Variants in FANCC observed in about 807,000 individuals in gnomAD.
FANCC encodes FA complementation group C.
Under a neutral mutation model 71.3 loss-of-function variants are expected in FANCC, and 55 were observed. That is an observed-to-expected ratio of 0.77 (90% CI 0.62 to 0.97). The LOEUF is 0.97. Ranked by LOEUF, FANCC falls within the 50% of genes least tolerant of loss-of-function variation. The probability of loss-of-function intolerance (pLI) is 0.00; values close to 1 mark genes in which losing one functional copy is unlikely to be tolerated. For missense variants in FANCC, 678 were observed against 670.9 expected, an observed-to-expected ratio of 1.01 and a Z score of -0.12; for synonymous variants, 275 against 244.9, an observed-to-expected ratio of 1.12 and a Z score of -1.15.
At chr9:95,157,730 G>C (rs1830525791) in intron 6 of FANCC, among the ~76,000 whole-genome samples, 3 of 152,214 alleles carry the variant, frequency 2.0e-5, no homozygotes, top group Admixed American at 2.0e-4. Context: ...ACCAAAAGAG[G>C]AGCCATGAAG....
At chr9:95,278,431 C>T (rs1030612304) in intron 1 of FANCC, among the ~76,000 whole-genome samples, 2 of 152,076 alleles carry the variant, frequency 1.3e-5, no homozygotes, top group African/African-American at 4.8e-5. Context: ...GAAAAAAGAT[C>T]GAGAAAATAG....
intron 4 of FANCC, among the ~76,000 whole-genome samples, chr9:95,219,339 C>A (rs1829083145): frequency 6.6e-6 from 1 of 152,118 alleles, no homozygotes; most frequent in Non-Finnish European, 1.5e-5. Context: ...AAACAAAAAA[C>A]CAGACAGACA....
At chr9:95,214,719 T>C (rs1022653060) in intron 4 of FANCC, among the ~76,000 whole-genome samples, 2 of 152,192 alleles carry the variant, frequency 1.3e-5, no homozygotes, top group Non-Finnish European at 2.9e-5. Context: ...GGATGAACCT[T>C]GATGGCATTA....
chr9:95,264,233 ATT>A (rs1404084861), intron 1 of FANCC, among the ~76,000 whole-genome samples: 2 of 152,210 alleles, frequency 1.3e-5, no homozygotes, highest in Non-Finnish European at 2.9e-5. Flanking sequence ...TGCTGAGCAT[ATT>A]TTGAAACCCA....
chr9:95,301,258 T>A (rs562280986), intron 1 of FANCC, among the ~76,000 whole-genome samples: 1 of 152,136 alleles, frequency 6.6e-6, no homozygotes, highest in South Asian at 2.1e-4. Flanking sequence ...TATTCCTGAC[T>A]GACTCAGAAA....
At chr9:95,290,161 G>GCAGTGTTCAAGCA (rs1833921604) in intron 1 of FANCC, among the ~76,000 whole-genome samples, 1 of 152,118 alleles carries the variant, frequency 6.6e-6, no homozygotes. Flanking sequence ...GCAGTGGAAG[G>GCAGTGTTCAAGCA]GTAATTGACC....
intron 1 of FANCC, among the ~76,000 whole-genome samples, chr9:95,301,005 T>A (rs533598397): frequency 6.6e-6 from 1 of 152,214 alleles, no homozygotes; most frequent in East Asian, 1.9e-4. Flanking sequence ...GCTCTTTCTA[T>A]GTAGAAGGAA....
At chr9:95,189,390 T>G (rs1236198597) in intron 4 of FANCC, among the ~76,000 whole-genome samples, 1 of 152,204 alleles carries the variant, frequency 6.6e-6, no homozygotes. Context: ...CAGCGCCCGT[T>G]GTTTACATAG....
intron 1 of FANCC, among the ~76,000 whole-genome samples, chr9:95,256,146 A>G (rs1383749353): frequency 6.6e-6 from 1 of 152,200 alleles, no homozygotes; most frequent in Non-Finnish European, 1.5e-5. Context: ...GAACTTCCCT[A>G]ACCTACCAAG....
Position 95,275,681 on chromosome 9 carries a change from G to A in FANCC, c.-78-26312C>T, listed in dbSNP as rs563499600. Among the ~76,000 whole-genome samples, 35 of 152,174 alleles carry A rather than the reference G, an allele frequency of 2.3e-4. No individual in the cohort carries two copies. In the South Asian group the frequency reaches 6.6e-3, roughly 29 times the overall value. The stretch of plus-strand genomic sequence containing the variant: ...TAAAAAATAGTCTATTAAAATCAAC[G>A]ACAACTACAAACCTTGGTGGCAGGA... On this transcript the variant is annotated intron_variant, in intron 1 of 14. Coordinates refer to ENST00000289081, the MANE Select transcript of FANCC (RefSeq NM_000136.3).
chr9:95,173,382 C>A (rs1452410402), intron 4 of FANCC, among the ~76,000 whole-genome samples: 4 of 151,936 alleles, frequency 2.6e-5, no homozygotes, highest in Non-Finnish European at 4.4e-5. Flanking sequence ...AGACCGATTA[C>A]GGGCTAACAG....
At chr9:95,208,756 G>A (rs544475754) in intron 4 of FANCC, among the ~76,000 whole-genome samples, 1 of 152,306 alleles carries the variant, frequency 6.6e-6, no homozygotes, top group South Asian at 2.1e-4. Flanking sequence ...TGATAAGGAT[G>A]TATAACAACA....
At chr9:95,188,841 C>T (rs971484039) in intron 4 of FANCC, among the ~76,000 whole-genome samples, 4 of 152,262 alleles carry the variant, frequency 2.6e-5, no homozygotes, top group African/African-American at 9.6e-5. Context: ...GCCTAATCTG[C>T]CTGAATCCTT....
At chr9:95,292,562 G>C (rs1247608233) in intron 1 of FANCC, 2 of 1,484,796 alleles carry the variant, frequency 1.3e-6, no homozygotes, top group African/African-American at 2.8e-5. Flanking sequence ...TGAGCGAGCT[G>C]TCCCAGACCA....
chr9:95,283,753 A>G (rs1016764166), intron 1 of FANCC, among the ~76,000 whole-genome samples: 20 of 152,374 alleles, frequency 1.3e-4, no homozygotes, highest in South Asian at 6.2e-4. Flanking sequence ...CATAAAGTCA[A>G]ATATTTTCCA....
chr9:95,166,232 T>C (rs2135547904), intron 6 of FANCC, among the ~76,000 whole-genome samples: 1 of 152,204 alleles, frequency 6.6e-6, no homozygotes, highest in Admixed American at 6.5e-5. Context: ...AAGTAATTAC[T>C]GATAGAGAAG....
At chr9:95,275,972 G>A (rs1349507298) in intron 1 of FANCC, among the ~76,000 whole-genome samples, 1 of 152,044 alleles carries the variant, frequency 6.6e-6, no homozygotes, top group African/African-American at 2.4e-5. Flanking sequence ...AGGAGCCACA[G>A]GACTCACACC....
intron 4 of FANCC, among the ~76,000 whole-genome samples, chr9:95,213,461 A>G (rs1828634154): frequency 6.6e-6 from 1 of 152,192 alleles, no homozygotes; most frequent in African/African-American, 2.4e-5. Flanking sequence ...ACAGACATAC[A>G]GATCAGTAGA....
chr9:95,123,778 T>C (rs1564663677), intron 10 of FANCC: 2 of 700,176 alleles, frequency 2.9e-6, no homozygotes, highest in African/African-American at 3.5e-5. Flanking sequence ...TAGTCAGGAA[T>C]CGATCTTGTG....
Sources: allele counts gnomAD v4.1 joint callset (sites outside exome capture counted in the v4.1 genomes callset), GRCh38; gene constraint gnomAD v4.1.1; transcripts MANE v1.5; gene names NCBI Gene and HGNC (gene_info 2026-07-23, HGNC 2026-07-21).